NEK5: variants seen among roughly 807,000 people sequenced by gnomAD.
NEK5 encodes the protein serine/threonine-protein kinase Nek5.
In NEK5, 88 loss-of-function variants were observed where a neutral mutation model predicts 109.2. The ratio of observed to expected loss-of-function variants is 0.81; its 90% CI spans 0.68 to 0.96. The LOEUF (loss-of-function observed/expected upper bound fraction) is 0.96. Among genes scored for constraint, NEK5 ranks in the 40% least tolerant of loss-of-function variants. The pLI, the probability that NEK5 is intolerant of heterozygous loss-of-function variation, is 0.00. For synonymous variants in NEK5, 283 were observed against 299.9 expected (o/e 0.94, Z 0.58); for missense variants, 834 against 920.7 (o/e 0.91, Z 1.22).
chr13:52,087,249 TAGGAAATAG>T, intron 15 of NEK5, 80 bp downstream of exon 15: 1 of 679,686 alleles, frequency 1.5e-6, no homozygotes, highest in Non-Finnish European at 2.6e-6. Context: ...AGGGGCACTG[TAGGAAATAG>T]AAGTAACTCC....
intron 19 of NEK5, among the ~76,000 whole-genome samples, chr13:52,073,800 C>T (rs1954820003): frequency 6.6e-6 from 1 of 151,992 alleles, no homozygotes; most frequent in African/African-American, 2.4e-5. Flanking sequence ...TATCGAAGTA[C>T]AATAATCAAT....
At position 52,065,552 on chromosome 13, in the gene NEK5, G is replaced by A. The variant is rs138340585; in HGVS notation, c.1907C>T (p.Ala636Val). 2.7e-5 allele frequency: 43 copies of A among 1,613,954 alleles called. No individual in the cohort carries two copies. The highest frequency in any genetic ancestry group is 4.4e-5 in the South Asian group (4 of 91,084). Residue 636 changes from alanine (A) to valine (V), a missense_variant, in exon 21 of 24, where the codon GCG becomes GTG. Transcript: ENST00000684899. ...CATCATCTGCAGCAGAGTCTGAGGC[G>A]CTCCTCCATCCCACTGCCTCCTGTT... The part of the protein sequence containing the change: ...VGNRRQWDGG[A>V]PQTLLQMMAV...
At chr13:52,091,216 A>C (rs1955276573) in intron 13 of NEK5, among the ~76,000 whole-genome samples, 1 of 152,138 alleles carries the variant, frequency 6.6e-6, no homozygotes, top group South Asian at 2.1e-4. Context: ...ATGTGGTCAA[A>C]ATAATTGATA....
intron 13 of NEK5, among the ~76,000 whole-genome samples, chr13:52,092,302 G>A (rs1955301019): frequency 6.6e-6 from 1 of 152,012 alleles, no homozygotes; most frequent in Non-Finnish European, 1.5e-5. Context: ...ACTTCTCACA[G>A]TACATGTAAT....
intron 14 of NEK5, among the ~76,000 whole-genome samples, chr13:52,088,952 G>A (rs752678351): frequency 5.9e-5 from 9 of 151,934 alleles, no homozygotes; most frequent in Non-Finnish European, 1.2e-4. Context: ...TTAGCTGGGC[G>A]TGGTGGTGGG....
chr13:52,054,377 G>C (rs1386713243), intron 22 of NEK5, among the ~76,000 whole-genome samples: 1 of 152,244 alleles, frequency 6.6e-6, no homozygotes, highest in Admixed American at 6.5e-5. Flanking sequence ...CTGGAGTGCA[G>C]CAGCACAATC....
intron 20 of NEK5, 52 bp from the exon 21 acceptor site, chr13:52,065,661 AT>A (rs1230445974): frequency 2.2e-6 from 3 of 1,349,936 alleles, no homozygotes; most frequent in Non-Finnish European, 2.1e-6. Context: ...AGTGTGACTA[AT>A]TGTCCCAAAC....
chr13:52,084,998 C>A (rs1235553371), intron 16 of NEK5, among the ~76,000 whole-genome samples: 1 of 152,116 alleles, frequency 6.6e-6, no homozygotes, highest in Admixed American at 6.6e-5. Flanking sequence ...GGATGAGCTA[C>A]TTAACTTCTC....
In NEK5 at chr13:52,034,824, G is replaced by T. The variant is rs112734412; in HGVS notation, c.*2124C>A. Reference sequence around the variant, plus strand: ...AGCCTCTCAAAGTGTTGGGATTACAGGCATGCGCCACCACACCTGGCGTGT... The same window carrying T: ...AGCCTCTCAAAGTGTTGGGATTACATGCATGCGCCACCACACCTGGCGTGT... On this transcript the variant is annotated 3_prime_UTR_variant, in exon 24 of 24. Transcript: ENST00000684899. The T allele has an allele frequency of 2.7e-5, 4 of 149,954 alleles. No individual in the cohort carries two copies. Among genetic ancestry groups the T allele is most frequent in the African/African-American group, 7.3e-5 (3 of 40,844 alleles). The allele number at this position is 149,954 out of a possible 1,614,324, so 9.3% of individuals were successfully genotyped here.
rs1321052201 is a variant in NEK5 at position 52,089,281 on chromosome 13, G to A, written c.1241C>T (p.Ala414Val). ...CTCCACTTTCAACTTATATTGTTGAGCTTCAAATTTTCTCTGAAGGTACTC... is the reference window on the plus strand; with the variant it reads ...CTCCACTTTCAACTTATATTGTTGAACTTCAAATTTTCTCTGAAGGTACTC... ...PAEYLQRKFE[A>V]QQYKLKVEKQ... is the part of the protein sequence containing the mutation. The change falls in exon 14 of 24, where the codon GCT (alanine) becomes GTT (valine). Residue 414 changes from alanine (A) to valine (V), a missense_variant. Around this residue, in one of 2 missense-constraint regions of NEK5, gnomAD observed 777 missense variants for 824.7 expected, o/e 0.94. Transcript: ENST00000684899. 1.9e-6 allele frequency: 3 copies of A among 1,608,938 alleles called. No individual in the cohort carries two copies. The highest frequency in any genetic ancestry group is 1.3e-5 in the African/African-American group (1 of 74,910).
At chr13:52,122,822 C>A (rs556548235) in intron 3 of NEK5, among the ~76,000 whole-genome samples, 1 of 151,766 alleles carries the variant, frequency 6.6e-6, no homozygotes, top group African/African-American at 2.4e-5. Flanking sequence ...AACTTATATA[C>A]TTATACATTA....
intron 17 of NEK5, among the ~76,000 whole-genome samples, chr13:52,079,747 C>T (rs1235879780): frequency 6.6e-6 from 1 of 152,098 alleles, no homozygotes; most frequent in Non-Finnish European, 1.5e-5. Flanking sequence ...AGGAGCGTCT[C>T]TGCCCGGCCG....
intron 8 of NEK5, among the ~76,000 whole-genome samples, chr13:52,107,371 T>A (rs1283460025): frequency 6.6e-6 from 1 of 152,032 alleles, no homozygotes; most frequent in Non-Finnish European, 1.5e-5. Flanking sequence ...GGCAGGCAGA[T>A]CGTGAGGTCA....
At chr13:52,090,590 C>A (rs1955258480) in intron 13 of NEK5, among the ~76,000 whole-genome samples, 1 of 152,160 alleles carries the variant, frequency 6.6e-6, no homozygotes, top group Admixed American at 6.5e-5. Flanking sequence ...AATTGTAGCA[C>A]TCATCTGTCT....
At chr13:52,059,650 T>C (rs1471924877) in intron 22 of NEK5, among the ~76,000 whole-genome samples, 4 of 152,174 alleles carry the variant, frequency 2.6e-5, no homozygotes, top group Non-Finnish European at 5.9e-5. Flanking sequence ...TCACGTCCTT[T>C]GTAGGGACAT....
chr13:52,074,700 C>T (rs1007478340), intron 19 of NEK5, among the ~76,000 whole-genome samples: 3 of 152,056 alleles, frequency 2.0e-5, no homozygotes, highest in African/African-American at 4.8e-5. Context: ...AGACAACCTA[C>T]AGAATAGAAG....
At position 52,037,132 on chromosome 13, in the gene NEK5, G is replaced by C; in HGVS notation, c.2315C>G (p.Thr772Arg). The change falls in exon 24 of 24, where the codon ACA becomes AGA. Residue 772 changes from threonine to arginine, a missense_variant. Physicochemically the swap from Thr to Arg is moderately conservative, Grantham distance 71. Transcript: ENST00000684899. ...CTTAGAGGTACTGGAGGCCTCTTCT[G>C]TTTTTTCTTCCCCTTTGAAAGTAGC... is the stretch of plus-strand genomic sequence containing the variant. Reference protein sequence around the residue: ...KLATFKGEEKTEEASSTSKDS... With the variant: ...KLATFKGEEKREEASSTSKDS... 1.0e-6 allele frequency: 1 copy of C among 985,200 alleles called. No individual in the cohort carries two copies. The highest frequency in any genetic ancestry group is 1.2e-6 in the Non-Finnish European group (1 of 829,810). The allele number at this position is 985,200 out of a possible 1,614,324, so 61.0% of individuals were successfully genotyped here.
intron 22 of NEK5, among the ~76,000 whole-genome samples, chr13:52,055,593 T>A (rs148793712): frequency 6.6e-6 from 1 of 151,994 alleles, no homozygotes; most frequent in African/African-American, 2.4e-5. Flanking sequence ...AGACTAACAG[T>A]GGATCTCTCG....
chr13:52,065,432 T>C (rs963407691), intron 21 of NEK5, 52 bp downstream of exon 21: 1 of 1,613,412 alleles, frequency 6.2e-7, no homozygotes, highest in African/African-American at 1.3e-5. Context: ...CACTGGGCTG[T>C]ACGGGTCCTT....
Sources: gnomAD v4.1 joint callset for allele counts (sites outside exome capture counted in the v4.1 genomes callset) on GRCh38, gnomAD v4.1.1 for gene constraint, gnomAD v4.1.1 regional missense constraint, MANE v1.5 for transcripts, NCBI Gene and HGNC (gene_info 2026-07-23, HGNC 2026-07-21) for gene names.